RALYL: variants seen among roughly 807,000 people sequenced by gnomAD.
The protein encoded by RALYL is RALY RNA binding protein like.
RALYL carries 29 observed loss-of-function variants against 35.1 expected under a neutral mutation model. That is an observed-to-expected ratio of 0.83 (90% CI 0.61 to 1.13). The LOEUF (loss-of-function observed/expected upper bound fraction) is 1.13, where lower values mean the gene tolerates loss of function less well. Ranked by LOEUF, RALYL falls within the 50% of genes most tolerant of loss-of-function variation. The pLI, the probability that RALYL is intolerant of heterozygous loss-of-function variation, is 0.00. For missense variants in RALYL, 359 were observed against 360.4 expected, an observed-to-expected ratio of 1.00 and a Z score of 0.03; for synonymous variants, 120 against 127.6, an observed-to-expected ratio of 0.94 and a Z score of 0.40.
rs919532626 is a variant in RALYL at position 84,351,167 on chromosome 8, G to A, written c.-24+166743G>A. Among the ~76,000 whole-genome samples the A allele has an allele frequency of 4.0e-5, 6 of 149,934 alleles. 1 individual carries two copies. The highest frequency in any genetic ancestry group is 3.3e-4 in the Admixed American group (5 of 15,106). On this transcript the variant is annotated intron_variant, in intron 1 of 8. Transcript: ENST00000521268. Reference sequence around the variant, plus strand: ...TGTTTATTTATAACAGACAAAACCAGTTCTATACTAAATAATAACTTAATG... The same window carrying A: ...TGTTTATTTATAACAGACAAAACCAATTCTATACTAAATAATAACTTAATG...
chr8:84,266,805 A>G (rs1220775051), intron 1 of RALYL, among the ~76,000 whole-genome samples: 1 of 151,806 alleles, frequency 6.6e-6, no homozygotes, highest in Admixed American at 6.6e-5. Flanking sequence ...CTAAAAATAC[A>G]AAAAATTAGC....
At chr8:84,907,288 T>C (rs1289024652) in intron 8 of RALYL, among the ~76,000 whole-genome samples, 1 of 133,806 alleles carries the variant, frequency 7.5e-6, no homozygotes, top group Non-Finnish European at 1.6e-5. Context: ...AAGGCAGAAA[T>C]CTGAGAAAAT....
chr8:84,863,855 GA>G (rs1257094653), intron 6 of RALYL, among the ~76,000 whole-genome samples: 1 of 152,144 alleles, frequency 6.6e-6, no homozygotes, highest in Non-Finnish European at 1.5e-5. Flanking sequence ...CTATTCTGTA[GA>G]TAGATAAATA....
intron 1 of RALYL, chr8:84,185,090 T>C: frequency 6.6e-7 from 1 of 1,513,134 alleles, no homozygotes; most frequent in Non-Finnish European, 9.2e-7. Flanking sequence ...GATCTTTTTT[T>C]TCCCTGTTGT....
At chr8:84,593,190 TCTA>T (rs776411000) in intron 2 of RALYL, among the ~76,000 whole-genome samples, 2 of 152,078 alleles carry the variant, frequency 1.3e-5, no homozygotes, top group Non-Finnish European at 2.9e-5. Context: ...TCACCAACAA[TCTA>T]CTTTAAGCTC....
intron 2 of RALYL, among the ~76,000 whole-genome samples, chr8:84,669,040 C>T (rs1220782731): frequency 6.6e-6 from 1 of 151,972 alleles, no homozygotes; most frequent in Non-Finnish European, 1.5e-5. Context: ...TTATCAAGGC[C>T]TATTATGTTC....
intron 7 of RALYL, among the ~76,000 whole-genome samples, chr8:84,884,859 G>C (rs1380481945): frequency 6.6e-6 from 1 of 152,038 alleles, no homozygotes; most frequent in East Asian, 1.9e-4. Flanking sequence ...TTGAAAGCTA[G>C]GGCATTTTGA....
chr8:84,204,243 C>G (rs1277837009), intron 1 of RALYL, among the ~76,000 whole-genome samples: 1 of 151,100 alleles, frequency 6.6e-6, no homozygotes, highest in Non-Finnish European at 1.5e-5. Flanking sequence ...CAGGTTGACT[C>G]TAGCTCAGAA....
chr8:84,589,054 C>A (rs934749047), intron 2 of RALYL, among the ~76,000 whole-genome samples: 3 of 152,044 alleles, frequency 2.0e-5, no homozygotes, highest in Non-Finnish European at 4.4e-5. Flanking sequence ...TGCGCCACCA[C>A]GCCCAGCTAA....
intron 2 of RALYL, among the ~76,000 whole-genome samples, chr8:84,644,275 G>A (rs1033905329): frequency 6.6e-6 from 1 of 151,930 alleles, no homozygotes; most frequent in East Asian, 1.9e-4. Flanking sequence ...CTAAAACAAT[G>A]ACATTATTAT....
At chr8:84,600,220 C>T (rs1815599780) in intron 2 of RALYL, among the ~76,000 whole-genome samples, 1 of 152,066 alleles carries the variant, frequency 6.6e-6, no homozygotes, top group South Asian at 2.1e-4. Context: ...TGTTTAATTA[C>T]ATTCCATCCC....
chr8:84,682,568 G>A (rs1459504545), intron 2 of RALYL, among the ~76,000 whole-genome samples: 1 of 152,086 alleles, frequency 6.6e-6, no homozygotes, highest in Non-Finnish European at 1.5e-5. Flanking sequence ...TTTAGTGTTG[G>A]GAGAGTGTAT....
intron 8 of RALYL, 28 bp downstream of exon 8, chr8:84,887,804 C>T (rs1286776615): frequency 1.3e-6 from 2 of 1,588,800 alleles, no homozygotes; most frequent in Admixed American, 1.8e-5. Flanking sequence ...GGTATTCACA[C>T]CCTTTGGGTA....
intron 1 of RALYL, among the ~76,000 whole-genome samples, chr8:84,311,538 G>A (rs1842812996): frequency 6.6e-6 from 1 of 152,044 alleles, no homozygotes. Flanking sequence ...GAAGTAATGT[G>A]CAAAAGCTAT....
chr8:84,920,824 TC>T, intron 8 of RALYL, 69 bp from the exon 9 acceptor site: 1 of 557,040 alleles, frequency 1.8e-6, no homozygotes, highest in Non-Finnish European at 3.0e-6. Context: ...AACTTACATA[TC>T]AGTATACGCA....
chr8:84,860,090 G>T (rs1837819617), intron 5 of RALYL, among the ~76,000 whole-genome samples: 1 of 152,198 alleles, frequency 6.6e-6, no homozygotes, highest in South Asian at 2.1e-4. Context: ...GTAATCCTTG[G>T]CTGGGGGAAG....
chr8:84,850,173 T>C (rs1835544449), intron 5 of RALYL, 146 bp downstream of exon 5: 1 of 448,988 alleles, frequency 2.2e-6, no homozygotes, highest in Non-Finnish European at 3.9e-6. Context: ...CAACAAAATA[T>C]ACAGATTTTT....
At position 84,907,309 on chromosome 8, in the gene RALYL, G is replaced by GT. The variant is rs111487241; in HGVS notation, c.859-13584dup. Among the ~76,000 whole-genome samples, 12 of 36,560 alleles carry GT rather than the reference G, an allele frequency of 3.3e-4. No individual in the cohort carries two copies. In the East Asian group the frequency reaches 0.014, roughly 43 times the overall value. The allele number at this position is 36,560 out of a possible 152,430, so 24.0% of individuals were successfully genotyped here. ...GAAATCTGAGAAAATAAGATATAGC[G>GT]TCACACACACACACACACACACACA... On this transcript the variant is annotated intron_variant, in intron 8 of 8. Transcript: ENST00000521268.
intron 2 of RALYL, among the ~76,000 whole-genome samples, chr8:84,642,190 T>G (rs146739733): frequency 6.6e-6 from 1 of 151,994 alleles, no homozygotes; most frequent in African/African-American, 2.4e-5. Flanking sequence ...AGCCATGAGA[T>G]AGCATCACAA....
Sources: gnomAD v4.1 joint callset for allele counts (sites outside exome capture counted in the v4.1 genomes callset) on GRCh38, gnomAD v4.1.1 for gene constraint, MANE v1.5 for transcripts, NCBI Gene and HGNC (gene_info 2026-07-23, HGNC 2026-07-21) for gene names.